The following KLHL14 variants were observed in gnomAD, a reference collection of about 807,000 sequenced individuals.
KLHL14 encodes kelch like family member 14, also known as kelch-like protein 14.
In KLHL14, 22 loss-of-function variants were observed where a neutral mutation model predicts 64.3. That is an observed-to-expected ratio of 0.34 (90% CI 0.24 to 0.49). The LOEUF (loss-of-function observed/expected upper bound fraction) is 0.49. Among genes scored for constraint, KLHL14 ranks in the 20% least tolerant of loss-of-function variants. The pLI is 0.99. For synonymous variants in KLHL14, 322 were observed against 333.4 expected (o/e 0.97, Z 0.37); for missense variants, 661 against 789.0 (o/e 0.84, Z 1.94).
In KLHL14 at chr18:32,765,514, T is replaced by C. The variant is rs779049039; in HGVS notation, c.947+4131A>G. Among the ~76,000 whole-genome samples, 123 of 152,326 alleles carry C rather than the reference T, an allele frequency of 8.1e-4. 2 individuals are homozygous for C. Among genetic ancestry groups the C allele is most frequent in the Non-Finnish European group, 9.0e-4 (61 of 68,014 alleles). On this transcript the variant is annotated intron_variant, in intron 2 of 8. Coordinates refer to ENST00000359358, the MANE Select transcript of KLHL14 (RefSeq NM_020805.3). ...TGTTTCAGATAATAAACAAATTGTA[T>C]TCTGAATGGTTGAATAATTTCTGAT...
At chr18:32,711,792 T>A (rs2050020735) in intron 3 of KLHL14, among the ~76,000 whole-genome samples, 2 of 152,190 alleles carry the variant, frequency 1.3e-5, no homozygotes, top group Admixed American at 1.3e-4. Context: ...TGCAGTAATT[T>A]CCTGGCATAC....
intron 3 of KLHL14, among the ~76,000 whole-genome samples, chr18:32,708,853 C>A (rs952111857): frequency 6.6e-6 from 1 of 152,166 alleles, no homozygotes; most frequent in Admixed American, 6.6e-5. Flanking sequence ...GAGAAGGCAT[C>A]CTGATGGGAT....
intron 2 of KLHL14, among the ~76,000 whole-genome samples, chr18:32,747,676 G>A (rs947965090): frequency 2.6e-5 from 4 of 152,132 alleles, no homozygotes; most frequent in African/African-American, 9.7e-5. Flanking sequence ...GTTCCTAACA[G>A]GCCATGGACC....
chr18:32,762,066 T>C (rs1013833709), intron 2 of KLHL14, among the ~76,000 whole-genome samples: 7 of 152,098 alleles, frequency 4.6e-5, no homozygotes, highest in Admixed American at 1.3e-4. Context: ...CTTCTGAAAC[T>C]ACTGCATTAC....
At chr18:32,754,036 A>T (rs1172670378) in intron 2 of KLHL14, among the ~76,000 whole-genome samples, 4 of 152,224 alleles carry the variant, frequency 2.6e-5, no homozygotes, top group African/African-American at 9.6e-5. Context: ...TCTAGCACAG[A>T]TGCTTGCTAC....
At chr18:32,693,672 A>G (rs1438155261) in intron 4 of KLHL14, among the ~76,000 whole-genome samples, 1 of 152,156 alleles carries the variant, frequency 6.6e-6, no homozygotes, top group Non-Finnish European at 1.5e-5. Context: ...ATGAGTGGCC[A>G]TGGTGAGAAC....
At position 32,746,762 on chromosome 18, in the gene KLHL14, C is replaced by G. The variant is rs1389767648; in HGVS notation, c.948-4713G>C. ...AGATATTCTGCAATGTTCTAAGAAT[C>G]ATTAACTCATAGAGTTAGAAGAAAA... On this transcript the variant is annotated intron_variant, in intron 2 of 8. Coordinates refer to ENST00000359358, the MANE Select transcript of KLHL14 (RefSeq NM_020805.3). 3.9e-5 allele frequency among the ~76,000 whole-genome samples: 6 copies of G among 152,328 alleles called. No homozygotes were observed. In the East Asian group the frequency reaches 1.2e-3, roughly 29 times the overall value.
At chr18:32,762,942 C>G (rs1356558873) in intron 2 of KLHL14, among the ~76,000 whole-genome samples, 1 of 151,918 alleles carries the variant, frequency 6.6e-6, no homozygotes. Flanking sequence ...TTAAAATATA[C>G]AGGTATTTTT....
chr18:32,717,911 A>G (rs1050731556), intron 3 of KLHL14, among the ~76,000 whole-genome samples: 1 of 152,212 alleles, frequency 6.6e-6, no homozygotes, highest in African/African-American at 2.4e-5. Context: ...TCTTGGTTTC[A>G]TCTTTTGACC....
At chr18:32,729,102 G>A (rs2050122104) in intron 3 of KLHL14, among the ~76,000 whole-genome samples, 1 of 152,168 alleles carries the variant, frequency 6.6e-6, no homozygotes, top group Admixed American at 6.5e-5. Flanking sequence ...GTTTGTGGAA[G>A]GAGAAAATGA....
At chr18:32,747,818 C>CAA (rs2050231276) in intron 2 of KLHL14, among the ~76,000 whole-genome samples, 1 of 152,180 alleles carries the variant, frequency 6.6e-6, no homozygotes, top group South Asian at 2.1e-4. Flanking sequence ...TTTAAAAAAA[C>CAA]AAGTGTTTTC....
chr18:32,765,287 T>A (rs2144193180), intron 2 of KLHL14, among the ~76,000 whole-genome samples: 1 of 152,300 alleles, frequency 6.6e-6, no homozygotes, highest in South Asian at 2.1e-4. Context: ...ATGCTTAGAA[T>A]TAGCTAAGGT....
rs571452122 is a variant in KLHL14, at chr18:32,683,518, C to T, written c.1239-2919G>A. On this transcript the variant is annotated intron_variant, in intron 5 of 8. Coordinates refer to ENST00000359358, the MANE Select transcript of KLHL14 (RefSeq NM_020805.3). This position sits in a 1 kb window ranked among gnomAD's most constrained non-coding sequence, Gnocchi z 4.2. ...CTGCCCCTCTTCGCCACATGAAGAA[C>T]ATATAAGGTTCAGGCTATTTTATTT... Among the ~76,000 whole-genome samples, 1 of 152,208 alleles carries T rather than the reference C, an allele frequency of 6.6e-6. No homozygotes were observed. Among genetic ancestry groups the T allele is most frequent in the South Asian group, 2.1e-4 (1 of 4,816 alleles).
intron 2 of KLHL14, among the ~76,000 whole-genome samples, chr18:32,763,799 A>G (rs893988983): frequency 1.5e-4 from 23 of 152,230 alleles, no homozygotes; most frequent in Non-Finnish European, 8.8e-5. Context: ...TAAGACCAAT[A>G]GCAATTTACA....
intron 2 of KLHL14, among the ~76,000 whole-genome samples, chr18:32,756,185 T>G (rs1346012050): frequency 1.3e-5 from 2 of 152,144 alleles, no homozygotes; most frequent in East Asian, 3.9e-4. Context: ...GATGTCCTTA[T>G]AAGAAGAGGA....
chr18:32,680,057 C>T lies in KLHL14; in HGVS notation c.1588+112G>A. On this transcript the variant is annotated intron_variant, in intron 7 of 8. Transcript: ENST00000359358. The surrounding 1 kb of genome is among the most constrained non-coding windows in gnomAD (Gnocchi z 4.8). ...TTACACAGAGTAGATTTTATTAGGT[C>T]AACATGTTTTTTACTTGGTTAACTA... 9.2e-7 allele frequency: 1 copy of T among 1,090,496 alleles called. No individual in the cohort carries two copies. Among genetic ancestry groups the T allele is most frequent in the South Asian group, 1.6e-5 (1 of 61,710 alleles). 67.6% of individuals were successfully genotyped at this position (1,090,496 alleles called of 1,614,324 possible). A position where few individuals can be genotyped will look rare whatever the true frequency, so the allele number is the denominator to read the frequency against.
chr18:32,678,636 T>G (rs1309793275), intron 7 of KLHL14, among the ~76,000 whole-genome samples: 1 of 152,170 alleles, frequency 6.6e-6, no homozygotes, highest in South Asian at 2.1e-4. Context: ...TGTGACAATG[T>G]TATACATGGG....
intron 3 of KLHL14, among the ~76,000 whole-genome samples, chr18:32,713,850 T>G (rs1261015864): frequency 6.6e-6 from 1 of 152,202 alleles, no homozygotes; most frequent in Admixed American, 6.5e-5. Context: ...TTTGCTGTTA[T>G]AAACAACACT....
intron 3 of KLHL14, among the ~76,000 whole-genome samples, chr18:32,718,513 G>A (rs954169482): frequency 1.3e-5 from 2 of 152,168 alleles, no homozygotes; most frequent in Non-Finnish European, 2.9e-5. Context: ...GACATACTGA[G>A]CAAGCTAATC....
Sources: gnomAD v4.1 joint callset for allele counts (sites outside exome capture counted in the v4.1 genomes callset) on GRCh38, gnomAD v4.1.1 for gene constraint, Gnocchi (gnomAD v3.1) non-coding constraint, MANE v1.5 for transcripts, NCBI Gene and HGNC (gene_info 2026-07-23, HGNC 2026-07-21) for gene names.